Variants in NBPF12 observed in about 807,000 individuals in gnomAD.
NBPF12 encodes the protein NBPF member 12.
Under a neutral mutation model 146.4 loss-of-function variants are expected in NBPF12, and 115 were observed. That is an observed-to-expected ratio of 0.79 (90% confidence interval 0.68 to 0.92). The LOEUF is 0.92. NBPF12 is among the 40% of genes least tolerant of loss of function. The pLI is 0.00. For synonymous variants in NBPF12, 385 were observed against 508.9 expected (o/e 0.76, Z 3.28); for missense variants, 1,205 against 1,326.8 (o/e 0.91, Z 1.43).
At chr1:146,959,475 G>C (rs1299920477) in intron 2 of NBPF12, among the ~76,000 whole-genome samples, 1 of 63,110 alleles carries the variant, frequency 1.6e-5, no homozygotes, top group Non-Finnish European at 3.1e-5. Flanking sequence ...GCGACAGAGT[G>C]AGACTCTGTC....
At chr1:146,964,273 G>A (rs1217911665) in intron 6 of NBPF12, 84 bp from the exon 10 acceptor site, 277 of 1,580,000 alleles carry the variant, frequency 1.8e-4, no homozygotes, top group East Asian at 9.2e-4. Flanking sequence ...ATACATAGAT[G>A]TTCATGTCTC....
chr1:146,953,487 GC>G (rs1182440086), intron 2 of NBPF12, among the ~76,000 whole-genome samples: 3 of 135,544 alleles, frequency 2.2e-5, no homozygotes, highest in African/African-American at 8.6e-5. Context: ...GGGATTACAG[GC>G]GTGAGCCACC....
intron 2 of NBPF12, among the ~76,000 whole-genome samples, chr1:146,954,887 A>G (rs1485086419): frequency 1.6e-5 from 2 of 121,374 alleles, no homozygotes; most frequent in South Asian, 6.2e-4. Context: ...ACACCCACAC[A>G]CACACACACA....
At chr1:146,967,954 A>C (rs1656312164) in intron 9 of NBPF12, among the ~76,000 whole-genome samples, 1 of 145,304 alleles carries the variant, frequency 6.9e-6, no homozygotes. Flanking sequence ...TATGATTCTT[A>C]AAATCATAAC....
At chr1:146,995,829 A>T (rs1163584692) in exon 34 of NBPF12, 6 of 150,350 alleles carry the variant, frequency 4.0e-5, no homozygotes, top group Admixed American at 1.3e-4. Flanking sequence ...ATAATGAAGT[A>T]CTTGGGAAAG....
upstream of NBPF12, chr1:146,938,689 TCCCTTTAAGGCCCAGCTGCGCCTG>T (rs1654641901): frequency 6.6e-6 from 1 of 152,040 alleles, no homozygotes; most frequent in South Asian, 2.1e-4. Context: ...GGCAGCCGGG[TCCCTTTAAGGCCCAGCTGCGCCTG>T]TGCCTTGGGC....
At chr1:146,972,860 C>T in exon 14 of NBPF12, 1 of 1,235,472 alleles carries the variant, frequency 8.1e-7, no homozygotes, top group Non-Finnish European at 1.2e-6. Flanking sequence ...AGAAGTTGCG[C>T]CCCCAGCTGG....
At chr1:146,959,050 G>A (rs1288805992) in intron 2 of NBPF12, among the ~76,000 whole-genome samples, 13 of 75,288 alleles carry the variant, frequency 1.7e-4, no homozygotes, top group African/African-American at 6.0e-4. Flanking sequence ...AAGTAAACCT[G>A]TCTCCCATCA....
chr1:146,963,394 A>G lies in NBPF12; in HGVS notation c.493+85A>G. On this transcript the variant is annotated intron_variant, in intron 6 of 33. Coordinates refer to ENST00000617844, the Ensembl canonical transcript of NBPF12. ...TCCATACTTTCATGATGACAGTTGT[A>G]TCAGTGGGGTTTTTTTCTACTACAC... The G allele has an allele frequency of 1.9e-6, 3 of 1,601,258 alleles. No individual in the cohort carries two copies. The South Asian group carries it at 3.3e-5, about 18-fold the overall frequency.
exon 9 of NBPF12, chr1:146,966,507 A>G (rs1656221017): frequency 6.8e-6 from 10 of 1,470,464 alleles, no homozygotes; most frequent in African/African-American, 1.4e-5. Context: ...GCATGGTGGT[A>G]TCAGCCGGCC....
At chr1:146,971,329 C>T in exon 13 of NBPF12, 1 of 1,612,134 alleles carries the variant, frequency 6.2e-7, no homozygotes, top group East Asian at 2.2e-5. Context: ...AAAGTCAACT[C>T]ATCTCTGGTT....
rs1160541580 is a variant in NBPF12, at chr1:146,954,881, CCACACA to C, written c.-184+3403_-184+3408del. On this transcript the variant is annotated intron_variant, in intron 2 of 33. Transcript: ENST00000617844. ...AGGACATATATATATGTATACACACCCACACACACACACACAAACGTGTGTGTGTGT... is the reference window on the plus strand; with the variant it reads ...AGGACATATATATATGTATACACACCCACACACACAAACGTGTGTGTGTGT... 9.7e-5 allele frequency among the ~76,000 whole-genome samples: 10 copies of C among 102,974 alleles called. No individual in the cohort carries two copies. The South Asian group carries it at 1.7e-3, about 17-fold the overall frequency. The allele number at this position is 102,974 out of a possible 152,430, so 67.6% of individuals were successfully genotyped here.
chr1:146,962,416 C>T lies in NBPF12; in HGVS notation c.278+153C>T, dbSNP rs1252749799. Among the ~76,000 whole-genome samples, 546 of 149,166 alleles carry T rather than the reference C, an allele frequency of 3.7e-3. 2 individuals carry two copies. Among genetic ancestry groups the T allele is most frequent in the African/African-American group, 0.013 (512 of 40,756 alleles). Reference sequence around the variant, plus strand: ...TGACACACAAATATTTATCAGAGAACAAGGATAATAATAAGTTCTGTGTTG... The same window carrying T: ...TGACACACAAATATTTATCAGAGAATAAGGATAATAATAAGTTCTGTGTTG... On this transcript the variant is annotated intron_variant, in intron 5 of 33. Transcript: ENST00000617844.
chr1:146,987,090 T>C (rs1227112159), intron 24 of NBPF12, 144 bp from the exon 28 acceptor site: 1 of 619,924 alleles, frequency 1.6e-6, no homozygotes, highest in African/African-American at 1.9e-5. Context: ...TGACCAGCTT[T>C]CAGGCCTCCT....
intron 2 of NBPF12, among the ~76,000 whole-genome samples, chr1:146,943,836 C>T: frequency 6.7e-6 from 1 of 150,306 alleles, no homozygotes; most frequent in African/African-American, 2.5e-5. Flanking sequence ...AGATCTGCAT[C>T]CCTCTCCTCT....
intron 6 of NBPF12, 67 bp downstream of exon 9, chr1:146,963,376 T>A (rs1655982492): frequency 6.3e-7 from 1 of 1,584,406 alleles, no homozygotes; most frequent in Non-Finnish European, 8.6e-7. Flanking sequence ...ACCTCCATAC[T>A]TTCATGATGA....
At chr1:146,982,712 A>G in intron 19 of NBPF12, among the ~76,000 whole-genome samples, 1 of 150,946 alleles carries the variant, frequency 6.6e-6, no homozygotes, top group Middle Eastern at 3.4e-3. Flanking sequence ...TCTGTGGCAA[A>G]TGTACTGAGC....
chr1:146,963,882 C>G (rs1357840574), intron 6 of NBPF12, among the ~76,000 whole-genome samples: 15 of 145,108 alleles, frequency 1.0e-4, no homozygotes, highest in Middle Eastern at 3.4e-3. Context: ...CTGGAGCACT[C>G]CCCATGGATA....
At chr1:146,984,503 C>A (rs1458677413) in intron 21 of NBPF12, among the ~76,000 whole-genome samples, 2 of 150,302 alleles carry the variant, frequency 1.3e-5, no homozygotes, top group Non-Finnish European at 2.9e-5. Flanking sequence ...CACTGTGTGT[C>A]CTGAGAGCAC....
Sources: gnomAD v4.1 joint callset for allele counts (sites outside exome capture counted in the v4.1 genomes callset) on GRCh38, gnomAD v4.1.1 for gene constraint, MANE v1.5 for transcripts, NCBI Gene and HGNC (gene_info 2026-07-23, HGNC 2026-07-21) for gene names.